The following RPS6KA2 variants were observed in gnomAD, a reference collection of about 807,000 sequenced individuals.
RPS6KA2 encodes ribosomal protein S6 kinase alpha-2.
RPS6KA2 carries 42 observed loss-of-function variants against 91.8 expected under a neutral mutation model. The ratio of observed to expected loss-of-function variants is 0.46; its 90% CI spans 0.36 to 0.59. RPS6KA2 has a LOEUF of 0.59. RPS6KA2 is among the 20% of genes least tolerant of loss of function. RPS6KA2 has a pLI of 0.00. For synonymous variants in RPS6KA2, 414 were observed against 393.6 expected (o/e 1.05, Z -0.61); for missense variants, 798 against 978.5 (o/e 0.82, Z 2.46).
chr6:166,814,421 T>C (rs1779711738), intron 2 of RPS6KA2, among the ~76,000 whole-genome samples: 1 of 152,244 alleles, frequency 6.6e-6, no homozygotes. Flanking sequence ...TTACGAATTA[T>C]TTAAAGCAAG....
intron 2 of RPS6KA2, among the ~76,000 whole-genome samples, chr6:166,700,916 G>T (rs1339656335): frequency 1.3e-5 from 2 of 152,170 alleles, no homozygotes; most frequent in Admixed American, 6.5e-5. Context: ...ATTTCAGAGA[G>T]CATAAAGTAC....
At position 166,665,610 on chromosome 6, in the gene RPS6KA2, A is replaced by T. The variant is rs1788292793; in HGVS notation, c.124-126826T>A. Among the ~76,000 whole-genome samples, 1 of 152,216 alleles carries T rather than the reference A, an allele frequency of 6.6e-6. No individual in the cohort carries two copies. Reference sequence around the variant, plus strand: ...TTTCAGAAACGTGTTCTCTTCTGAAAGACTCCAGAGCCAGTGCGACCCTCA... The same window carrying T: ...TTTCAGAAACGTGTTCTCTTCTGAATGACTCCAGAGCCAGTGCGACCCTCA... On this transcript the variant is annotated intron_variant, in intron 2 of 21. Coordinates refer to the RPS6KA2 transcript ENST00000503859. This position sits in a 1 kb window ranked among gnomAD's most constrained non-coding sequence, Gnocchi z 4.5.
chr6:166,800,388 G>A (rs986255222), intron 2 of RPS6KA2, among the ~76,000 whole-genome samples: 18 of 152,314 alleles, frequency 1.2e-4, no homozygotes, highest in Admixed American at 5.2e-4. Context: ...CATCCAGGGC[G>A]CTGAATGCCA....
chr6:166,432,972 G>A (rs1020686381), intron 14 of RPS6KA2, among the ~76,000 whole-genome samples: 3 of 146,700 alleles, frequency 2.0e-5, no homozygotes, highest in East Asian at 2.0e-4. Context: ...TCCAGCCTGG[G>A]TGACAGAGCG....
intron 1 of RPS6KA2, chr6:166,586,266 C>G (rs1785169342): frequency 1.3e-6 from 2 of 1,597,376 alleles, no homozygotes; most frequent in Non-Finnish European, 8.5e-7. Flanking sequence ...TGGCCACCCC[C>G]ATCTGTTGTC....
intron 1 of RPS6KA2, among the ~76,000 whole-genome samples, chr6:166,550,875 C>T (rs920217070): frequency 1.1e-4 from 17 of 151,622 alleles, no homozygotes; most frequent in East Asian, 1.9e-4. Flanking sequence ...GTGGCGGGCG[C>T]CTGTAGTCCC....
intron 2 of RPS6KA2, among the ~76,000 whole-genome samples, chr6:166,776,423 T>A (rs933338832): frequency 6.6e-6 from 1 of 152,208 alleles, no homozygotes; most frequent in Admixed American, 6.5e-5. Flanking sequence ...GTGTTTTAAT[T>A]TTTTTTATAT....
chr6:166,627,113 T>C lies in RPS6KA2; in HGVS notation c.-94A>G, dbSNP rs1357779035. 4 of 1,182,756 alleles carry C rather than the reference T, an allele frequency of 3.4e-6. No homozygotes were observed. The highest frequency in any genetic ancestry group is 4.2e-6 in the Non-Finnish European group (4 of 954,456). 73.3% of individuals were successfully genotyped at this position (1,182,756 alleles called of 1,614,324 possible). On this transcript the variant is annotated 5_prime_UTR_variant, in exon 1 of 21. Coordinates refer to ENST00000265678, the MANE Select transcript of RPS6KA2 (RefSeq NM_021135.6). ...GCTCAGGTCCGCGGGCGGGCACGCGTGGCCAGGGAGCCCGGCACGGCGGCC... is the reference window on the plus strand; with the variant it reads ...GCTCAGGTCCGCGGGCGGGCACGCGCGGCCAGGGAGCCCGGCACGGCGGCC...
In RPS6KA2 at chr6:166,419,844, G is replaced by T; in HGVS notation, c.1820+38C>A. ...GATCAGCCACTGAGGCTGCTGCCCT[G>T]TGTCTCCTCCTGACACCTGTTTGAG... On this transcript the variant is annotated intron_variant, in intron 18 of 20. Coordinates refer to ENST00000265678, the MANE Select transcript of RPS6KA2 (RefSeq NM_021135.6). The surrounding 1 kb of genome is among the most constrained non-coding windows in gnomAD (Gnocchi z 5.6). 6.3e-7 allele frequency: 1 copy of T among 1,579,184 alleles called. No individual in the cohort carries two copies. The highest frequency in any genetic ancestry group is 8.7e-7 in the Non-Finnish European group (1 of 1,148,682).
intron 15 of RPS6KA2, among the ~76,000 whole-genome samples, chr6:166,432,009 A>G (rs1779148398): frequency 2.6e-5 from 4 of 152,220 alleles, no homozygotes; most frequent in Admixed American, 2.6e-4. Flanking sequence ...AAACTGAGGT[A>G]GGCCCAATAT....
At chr6:166,587,707 G>A (rs1367578299) in intron 1 of RPS6KA2, among the ~76,000 whole-genome samples, 3 of 151,252 alleles carry the variant, frequency 2.0e-5, no homozygotes, top group Non-Finnish European at 4.4e-5. Flanking sequence ...AAATATATAA[G>A]TGGATTCAGA....
At chr6:166,497,779 G>A (rs2128476765) in intron 8 of RPS6KA2, among the ~76,000 whole-genome samples, 1 of 152,354 alleles carries the variant, frequency 6.6e-6, no homozygotes, top group South Asian at 2.1e-4. Flanking sequence ...CACGCCAGCG[G>A]AGCAACCTTC....
At chr6:166,614,971 T>C (rs1786350274) in intron 1 of RPS6KA2, among the ~76,000 whole-genome samples, 1 of 152,178 alleles carries the variant, frequency 6.6e-6, no homozygotes, top group African/African-American at 2.4e-5. Context: ...AGGCTTAGGC[T>C]GTGGCTTTCT....
At chr6:166,672,305 C>T (rs897624461) in intron 2 of RPS6KA2, among the ~76,000 whole-genome samples, 1 of 152,050 alleles carries the variant, frequency 6.6e-6, no homozygotes, top group Non-Finnish European at 1.5e-5. Context: ...AACCAGAAGC[C>T]GCCAACATTC....
chr6:166,506,069 C>T (rs538977460), intron 5 of RPS6KA2, among the ~76,000 whole-genome samples: 14 of 152,178 alleles, frequency 9.2e-5, no homozygotes, highest in Non-Finnish European at 1.8e-4. Context: ...CAGCGATGGT[C>T]CCCGTAAGAT....
intron 9 of RPS6KA2, among the ~76,000 whole-genome samples, chr6:166,489,794 A>G (rs1562529689): frequency 6.6e-6 from 1 of 152,078 alleles, no homozygotes; most frequent in Non-Finnish European, 1.5e-5. Context: ...CCATCTACAT[A>G]AGGACCGAGC....
At chr6:166,768,746 C>T (rs530268060) in intron 2 of RPS6KA2, among the ~76,000 whole-genome samples, 16 of 152,298 alleles carry the variant, frequency 1.1e-4, no homozygotes, top group East Asian at 3.9e-4. Flanking sequence ...TCCCGGGTGA[C>T]GCTGTGTGAG....
chr6:166,578,799 T>C (rs16899186), intron 1 of RPS6KA2, among the ~76,000 whole-genome samples: 1,594 of 152,320 alleles, frequency 0.01, 83 homozygotes, highest in Admixed American at 0.087. Context: ...TCTTCCACCA[T>C]GCGCCTCGTG....
chr6:166,757,064 A>G (rs1307086774), intron 2 of RPS6KA2, among the ~76,000 whole-genome samples: 1 of 152,154 alleles, frequency 6.6e-6, no homozygotes, highest in Non-Finnish European at 1.5e-5. Context: ...CGCACATTTC[A>G]CCATCACATA....
Sources: allele counts gnomAD v4.1 joint callset (sites outside exome capture counted in the v4.1 genomes callset), GRCh38; gene constraint gnomAD v4.1.1; non-coding constraint Gnocchi (gnomAD v3.1); transcripts MANE v1.5; gene names NCBI Gene and HGNC (gene_info 2026-07-23, HGNC 2026-07-21).